Variants in IGF1R observed in about 807,000 individuals in gnomAD.
IGF1R encodes the protein insulin like growth factor 1 receptor.
A neutral mutation model predicts 144.6 loss-of-function variants in IGF1R; 44 were observed. The ratio of observed to expected loss-of-function variants is 0.30; its 90% CI spans 0.24 to 0.39. IGF1R has a LOEUF of 0.39. IGF1R is among the 10% of genes least tolerant of loss of function. The pLI is 1.00. For missense variants in IGF1R, 1,355 were observed against 1,833.7 expected, an observed-to-expected ratio of 0.74 and a Z score of 4.77; for synonymous variants, 795 against 722.8, an observed-to-expected ratio of 1.10 and a Z score of -1.60.
intron 15 of IGF1R, among the ~76,000 whole-genome samples, chr15:98,934,094 T>G (rs961617397): frequency 1.3e-5 from 2 of 151,308 alleles, no homozygotes; most frequent in Non-Finnish European, 2.9e-5. Context: ...GAGTCAGTAT[T>G]AAAGTTACCT....
At chr15:98,800,925 T>C (rs546144248) in intron 2 of IGF1R, among the ~76,000 whole-genome samples, 1 of 152,384 alleles carries the variant, frequency 6.6e-6, no homozygotes, top group African/African-American at 2.4e-5. Flanking sequence ...AAGGATATTG[T>C]TCATTTTTGG....
intron 2 of IGF1R, among the ~76,000 whole-genome samples, chr15:98,839,118 C>G (rs918522969): frequency 1.3e-5 from 2 of 152,242 alleles, no homozygotes; most frequent in African/African-American, 4.8e-5. Context: ...ACCTAGATGA[C>G]AGCTGGAGCT....
intron 2 of IGF1R, among the ~76,000 whole-genome samples, chr15:98,811,889 G>T (rs186806877): frequency 2.0e-5 from 3 of 151,934 alleles, no homozygotes; most frequent in African/African-American, 7.2e-5. Flanking sequence ...CGCCACTGCA[G>T]TCCAGCCTGG....
intron 2 of IGF1R, among the ~76,000 whole-genome samples, chr15:98,710,873 T>C (rs1347055275): frequency 6.6e-6 from 1 of 152,034 alleles, no homozygotes; most frequent in Non-Finnish European, 1.5e-5. Context: ...CACCACCATG[T>C]TGGCCAGGCT....
At chr15:98,950,632 C>T (rs1371915336) in intron 20 of IGF1R, among the ~76,000 whole-genome samples, 3 of 152,208 alleles carry the variant, frequency 2.0e-5, no homozygotes, top group Non-Finnish European at 4.4e-5. Context: ...GATAAGAGGA[C>T]AGCTCTCTAC....
chr15:98,680,629 A>T (rs1376190542), intron 1 of IGF1R, among the ~76,000 whole-genome samples: 1 of 152,056 alleles, frequency 6.6e-6, no homozygotes, highest in East Asian at 1.9e-4. Context: ...CAGTGGCGTG[A>T]TTATAGCTCA....
intron 2 of IGF1R, among the ~76,000 whole-genome samples, chr15:98,878,676 A>AAAAAC (rs2013191757): frequency 3.3e-5 from 3 of 92,282 alleles, no homozygotes; most frequent in African/African-American, 9.5e-5. Context: ...AAAAAAAAAA[A>AAAAAC]AAAAAAAAAA....
intron 2 of IGF1R, among the ~76,000 whole-genome samples, chr15:98,813,174 A>T (rs2056627475): frequency 6.6e-6 from 1 of 152,150 alleles, no homozygotes; most frequent in Non-Finnish European, 1.5e-5. Flanking sequence ...GGCCTTGCTG[A>T]CCCTGAAGAG....
intron 2 of IGF1R, among the ~76,000 whole-genome samples, chr15:98,870,179 T>A (rs1409254376): frequency 1.3e-5 from 2 of 152,284 alleles, no homozygotes; most frequent in Non-Finnish European, 2.9e-5. Context: ...CACATTGTTT[T>A]GCAGCCGTGA....
chr15:98,936,717 G>T (rs871335), intron 17 of IGF1R, among the ~76,000 whole-genome samples: 49,319 of 151,516 alleles, frequency 0.33, 9,186 homozygotes, highest in African/African-American at 0.51. Flanking sequence ...ATGACTTCAT[G>T]TATTTGCAGC....
At chr15:98,843,831 T>TATA (rs2011222532) in intron 2 of IGF1R, among the ~76,000 whole-genome samples, 1 of 152,220 alleles carries the variant, frequency 6.6e-6, no homozygotes, top group South Asian at 2.1e-4. Context: ...GCTGCATCTA[T>TATA]ATATGCAGTT....
At chr15:98,752,496 G>C (rs1178653611) in intron 2 of IGF1R, among the ~76,000 whole-genome samples, 1 of 152,060 alleles carries the variant, frequency 6.6e-6, no homozygotes, top group Non-Finnish European at 1.5e-5. Context: ...ATCCTAACGC[G>C]GTGAAACCCC....
intron 18 of IGF1R, 85 bp downstream of exon 18, chr15:98,939,445 G>C (rs910839275): frequency 1.5e-6 from 2 of 1,329,580 alleles, no homozygotes; most frequent in African/African-American, 2.9e-5. Flanking sequence ...CCCCTGGAGA[G>C]GTTTTCTAGT....
intron 2 of IGF1R, among the ~76,000 whole-genome samples, chr15:98,709,587 T>C (rs2053945482): frequency 6.6e-6 from 1 of 152,186 alleles, no homozygotes; most frequent in Non-Finnish European, 1.5e-5. Flanking sequence ...TAAATAACCT[T>C]GACATTTAAA....
intron 2 of IGF1R, among the ~76,000 whole-genome samples, chr15:98,841,593 A>G: frequency 6.6e-6 from 1 of 151,812 alleles, no homozygotes; most frequent in East Asian, 1.9e-4. Context: ...CCCAGGGAGG[A>G]GTTTGAGTTG....
rs1216495710 is a variant in IGF1R, at chr15:98,963,244, T to G, written c.*5802T>G. The G allele has an allele frequency of 2.2e-5, 5 of 230,998 alleles. No homozygotes were observed. The East Asian group carries it at 3.0e-4, about 14-fold the overall frequency. 14.3% of individuals were successfully genotyped at this position (230,998 alleles called of 1,614,324 possible). ...TTTTTTTTTTTTTAGGACACCTGTT[T>G]ACTAGCTAGCTTTACAATATGCCAA... On this transcript the variant is annotated 3_prime_UTR_variant, in exon 21 of 21. Transcript: ENST00000650285.
At chr15:98,855,315 CG>C (rs2011746608) in intron 2 of IGF1R, among the ~76,000 whole-genome samples, 1 of 152,232 alleles carries the variant, frequency 6.6e-6, no homozygotes, top group Admixed American at 6.5e-5. Flanking sequence ...CCCAGACAGA[CG>C]CCCCGAGCCT....
chr15:98,916,969 A>G (rs903958060), intron 10 of IGF1R, 93 bp downstream of exon 10: 6 of 1,071,494 alleles, frequency 5.6e-6, no homozygotes, highest in Middle Eastern at 2.0e-4. Context: ...GTAAGTCAGC[A>G]GCTGGGGGGT....
intron 2 of IGF1R, among the ~76,000 whole-genome samples, chr15:98,745,530 C>T (rs2054842465): frequency 6.6e-6 from 1 of 152,234 alleles, no homozygotes; most frequent in South Asian, 2.1e-4. Context: ...GACATCAGAA[C>T]TGGCCTGAAT....
Sources: gnomAD v4.1 joint callset for allele counts (sites outside exome capture counted in the v4.1 genomes callset) on GRCh38, gnomAD v4.1.1 for gene constraint, MANE v1.5 for transcripts, NCBI Gene and HGNC (gene_info 2026-07-23, HGNC 2026-07-21) for gene names.